Variants in OPRM1 observed in about 807,000 individuals in gnomAD.
OPRM1 encodes the protein opioid receptor mu 1.
Under a neutral mutation model 31.8 loss-of-function variants are expected in OPRM1, and 27 were observed. The ratio of observed to expected loss-of-function variants is 0.85; its 90% CI spans 0.63 to 1.17. OPRM1 has a LOEUF of 1.17. Among genes scored for constraint, OPRM1 ranks in the 50% most tolerant of loss-of-function variants. The pLI, the probability that OPRM1 is intolerant of heterozygous loss-of-function variation, is 0.00. For synonymous variants in OPRM1, 196 were observed against 189.9 expected, an observed-to-expected ratio of 1.03 and a Z score of -0.26; for missense variants, 536 against 511.1, an observed-to-expected ratio of 1.05 and a Z score of -0.47.
intron 3 of OPRM1, among the ~76,000 whole-genome samples, chr6:154,241,234 CAAAAAAAAA>C (rs11308882): frequency 1.3e-5 from 1 of 79,212 alleles, no homozygotes; most frequent in East Asian, 4.1e-4. Flanking sequence ...GACTCCATCT[CAAAAAAAAA>C]AAAAAAAAAA....
At position 154,091,699 on chromosome 6, in the gene OPRM1, T is replaced by C. The variant is rs1583491037; in HGVS notation, c.1164+227T>C. On this transcript the variant is annotated intron_variant, in intron 3 of 3. Coordinates refer to ENST00000330432, the MANE Select transcript of OPRM1 (RefSeq NM_000914.5). ...TAAAGATACACCAATGAGAAATCCA[T>C]GAAACTATTCAAAATAACTATTTTT... 5 of 1,291,568 alleles carry C rather than the reference T, an allele frequency of 3.9e-6. No individual in the cohort carries two copies. The East Asian group carries it at 1.5e-4, about 38-fold the overall frequency. The allele number at this position is 1,291,568 out of a possible 1,614,324, so 80.0% of individuals were successfully genotyped here.
chr6:154,026,287 A>G (rs558170678), intron 1 of OPRM1, among the ~76,000 whole-genome samples: 8 of 152,212 alleles, frequency 5.3e-5, no homozygotes, highest in African/African-American at 1.9e-4. Context: ...GTTTCCACTG[A>G]AAAGGCTGCC....
At chr6:154,072,845 T>TA (rs777482784) in intron 1 of OPRM1, among the ~76,000 whole-genome samples, 10 of 152,212 alleles carry the variant, frequency 6.6e-5, no homozygotes, top group Non-Finnish European at 1.3e-4. Context: ...GAATGCAGCA[T>TA]ACTCAACCAC....
rs570283930 is a variant in OPRM1, at chr6:154,028,778, C to G, written c.1-10383C>G. Among the ~76,000 whole-genome samples, 5 of 152,298 alleles carry G rather than the reference C, an allele frequency of 3.3e-5. No individual in the cohort carries two copies. In the South Asian group the frequency reaches 1.0e-3, roughly 32 times the overall value. On this transcript the variant is annotated intron_variant, in intron 1 of 5. Transcript: ENST00000434900. ...ATGTGTCACAAATGCTGCAATCTCCCTCTACCTAGCACACAGAAGCACTCT... is the reference window on the plus strand; with the variant it reads ...ATGTGTCACAAATGCTGCAATCTCCGTCTACCTAGCACACAGAAGCACTCT...
At chr6:154,075,934 C>A (rs907707235) in intron 1 of OPRM1, among the ~76,000 whole-genome samples, 1 of 152,158 alleles carries the variant, frequency 6.6e-6, no homozygotes, top group Non-Finnish European at 1.5e-5. Flanking sequence ...GAAATGCCTA[C>A]CCCATCAACT....
At chr6:154,229,789 T>C (rs1238183157) in intron 3 of OPRM1, among the ~76,000 whole-genome samples, 1 of 152,246 alleles carries the variant, frequency 6.6e-6, no homozygotes, top group Admixed American at 6.5e-5. Context: ...ATAACAGCTT[T>C]ATTCATAGTA....
At position 154,039,603 on chromosome 6, in the gene OPRM1, CA is replaced by C. The variant is rs753892000; in HGVS notation, c.61del (p.Ser21ValfsTer17). On this transcript the variant is annotated frameshift_variant, in exon 1 of 4. Coordinates refer to ENST00000330432, the MANE Select transcript of OPRM1 (RefSeq NM_000914.5). LOFTEE classifies it high-confidence loss of function. ...AATTGCACTGATGCCTTGGCGTACT[CA>C]AGTTGCTCCCCAGCACCCAGCCCCG... Reference protein sequence around the residue: ...ASNCTDALAYSSCSPAPSPGS... With the variant: ...ASNCTDALAYXSCSPAPSPGS... The C allele has an allele frequency of 1.5e-5, 24 of 1,613,894 alleles. No homozygotes were observed. Among genetic ancestry groups the C allele is most frequent in the Non-Finnish European group, 8.5e-7 (1 of 1,179,922 alleles).
At chr6:154,105,667 A>G (rs894281709) in intron 3 of OPRM1, among the ~76,000 whole-genome samples, 1 of 152,324 alleles carries the variant, frequency 6.6e-6, no homozygotes, top group Non-Finnish European at 1.5e-5. Context: ...AATTTTACAC[A>G]ACAGTTATAA....
At chr6:154,139,702 G>A (rs553095566) in intron 3 of OPRM1, among the ~76,000 whole-genome samples, 7 of 152,226 alleles carry the variant, frequency 4.6e-5, no homozygotes, top group East Asian at 1.9e-4. Flanking sequence ...GTCAGTGGTC[G>A]GTTAATATAT....
chr6:154,154,242 C>T (rs1254838205), intron 3 of OPRM1, among the ~76,000 whole-genome samples: 2 of 152,156 alleles, frequency 1.3e-5, no homozygotes, highest in African/African-American at 4.8e-5. Flanking sequence ...TCATTATTTT[C>T]TTTGTTCATT....
Position 154,125,619 on chromosome 6 carries a change from G to A in OPRM1, c.*6898G>A, listed in dbSNP as rs1281845159. Among the ~76,000 whole-genome samples, 5 of 152,246 alleles carry A rather than the reference G, an allele frequency of 3.3e-5. No individual in the cohort carries two copies. The highest frequency in any genetic ancestry group is 1.2e-4 in the African/African-American group (5 of 41,552). On this transcript the variant is annotated 3_prime_UTR_variant, in exon 4 of 4. Transcript: ENST00000330432. ...CAAAAAAAACCTTCCAGAGAAAGGT[G>A]GTTTCCAATATTACCTACAACTTCC...
At chr6:154,152,336 A>AAAAGG (rs1562510629) in intron 3 of OPRM1, among the ~76,000 whole-genome samples, 37 of 12,638 alleles carry the variant, frequency 2.9e-3, no homozygotes, top group Admixed American at 0.01. Context: ...AGAAAGAAAG[A>AAAAGG]AAGAAAGAAA....
exon 1 of OPRM1, chr6:154,010,602 T>G: frequency 6.5e-7 from 1 of 1,533,706 alleles, no homozygotes; most frequent in Non-Finnish European, 8.8e-7. Context: ...AAAGGAAGTG[T>G]GATCTGTCAC....
intron 3 of OPRM1, among the ~76,000 whole-genome samples, chr6:154,213,526 C>T (rs886218138): frequency 2.3e-4 from 35 of 152,136 alleles, no homozygotes; most frequent in African/African-American, 8.0e-4. Flanking sequence ...ATCAAGTTGC[C>T]ACTTTTCCAT....
chr6:154,213,225 T>A, intron 3 of OPRM1: 1 of 237,848 alleles, frequency 4.2e-6, no homozygotes, highest in Non-Finnish European at 8.5e-6. Context: ...ATCACTAAAC[T>A]ATCAGTGGTG....
At chr6:154,111,546 G>T (rs945026743) in intron 3 of OPRM1, among the ~76,000 whole-genome samples, 1 of 152,128 alleles carries the variant, frequency 6.6e-6, no homozygotes, top group African/African-American at 2.4e-5. Context: ...GATTGACAAG[G>T]TTGAAAAGAC....
intron 3 of OPRM1, among the ~76,000 whole-genome samples, chr6:154,214,693 G>T: frequency 6.6e-6 from 1 of 152,098 alleles, no homozygotes. Flanking sequence ...TAGAAAAAAT[G>T]TACGAAAAGA....
chr6:154,078,892 A>G (rs916556803), intron 1 of OPRM1, among the ~76,000 whole-genome samples: 1 of 152,110 alleles, frequency 6.6e-6, no homozygotes, highest in Non-Finnish European at 1.5e-5. Flanking sequence ...GGGGGAAAAA[A>G]AATCATCCTA....
chr6:154,020,701 G>A (rs2128381221), intron 1 of OPRM1, among the ~76,000 whole-genome samples: 2 of 152,260 alleles, frequency 1.3e-5, no homozygotes, highest in East Asian at 3.9e-4. Context: ...ACCAGCATTT[G>A]GTGGTGGTCA....
Sources: allele counts gnomAD v4.1 joint callset (sites outside exome capture counted in the v4.1 genomes callset), GRCh38; gene constraint gnomAD v4.1.1; transcripts MANE v1.5; gene names NCBI Gene and HGNC (gene_info 2026-07-23, HGNC 2026-07-21).